The following MCM2 variants were observed in gnomAD, a reference collection of about 807,000 sequenced individuals.
MCM2 encodes minichromosome maintenance complex component 2, also known as DNA replication licensing factor MCM2.
Under a neutral mutation model 86.4 loss-of-function variants are expected in MCM2, and 49 were observed. The ratio of observed to expected loss-of-function variants is 0.57; its 90% CI spans 0.45 to 0.72. The LOEUF (loss-of-function observed/expected upper bound fraction) is 0.72, where lower values mean the gene tolerates loss of function less well. Among genes scored for constraint, MCM2 ranks in the 30% least tolerant of loss-of-function variants. MCM2 has a pLI of 0.00. For synonymous variants in MCM2, 475 were observed against 484.6 expected, an observed-to-expected ratio of 0.98 and a Z score of 0.26; for missense variants, 1,038 against 1,259.9, an observed-to-expected ratio of 0.82 and a Z score of 2.67.
rs777951276 is a variant in MCM2, at chr3:127,622,352, CCTGT to C, written c.*584_*587del. 1 of 152,274 alleles carries C rather than the reference CCTGT, an allele frequency of 6.6e-6. No individual in the cohort carries two copies. The highest frequency in any genetic ancestry group is 2.4e-5 in the African/African-American group (1 of 41,438). The allele number at this position is 152,274 out of a possible 1,614,324, so 9.4% of individuals were successfully genotyped here. A position where few individuals can be genotyped will look rare whatever the true frequency, so the allele number is the denominator to read the frequency against. ...CCACAGTTATCAGCTGCCATTGCTC[CCTGT>C]CTGTTTCCCCACTCTCTTATTTGTG... is the stretch of plus-strand genomic sequence containing the variant. On this transcript the variant is annotated 3_prime_UTR_variant, in exon 16 of 16. Transcript: ENST00000265056.
chr3:127,603,867 C>A (rs190236525), intron 2 of MCM2, among the ~76,000 whole-genome samples: 4 of 152,072 alleles, frequency 2.6e-5, no homozygotes, highest in East Asian at 1.9e-4. Flanking sequence ...TTACCATGTT[C>A]GCCAGGATGG....
At chr3:127,608,792 T>A (rs545743607) in intron 7 of MCM2, 40 bp from the exon 8 acceptor site, 2 of 1,603,482 alleles carry the variant, frequency 1.2e-6, no homozygotes, top group African/African-American at 2.7e-5. Context: ...TGGGCACCCC[T>A]GGGTTAGGCT....
rs945519966 is a variant in MCM2 at position 127,619,182 on chromosome 3, C to T, written c.2169C>T (p.Tyr723=). ...TGCCCCAGGAGGTCCTGAAGAAGTA[C>T]ATCATCTACGCCAAGGAGAGGGTCC... ...EPLPQEVLKK[Y]IIYAKERVHP... The change falls in exon 13 of 16, where the codon TAC becomes TAT. Residue 723 remains tyrosine (Y), a synonymous_variant. Coordinates refer to ENST00000265056, the MANE Select transcript of MCM2 (RefSeq NM_004526.4). The T allele has an allele frequency of 6.8e-6, 11 of 1,614,092 alleles. No homozygotes were observed. The highest frequency in any genetic ancestry group is 4.0e-5 in the African/African-American group (3 of 74,958).
Position 127,619,169 on chromosome 3 carries a change from TC to T in MCM2, c.2158del (p.Leu720Ter). 1 of 1,613,612 alleles carries T rather than the reference TC, an allele frequency of 6.2e-7. No individual in the cohort carries two copies. The highest frequency in any genetic ancestry group is 8.5e-7 in the Non-Finnish European group (1 of 1,179,950). On this transcript the variant is annotated frameshift_variant, in exon 13 of 16. Transcript: ENST00000265056. LOFTEE classifies it high-confidence loss of function. ...GGCGTGGAGCCCCTGCCCCAGGAGG[TC>T]CTGAAGAAGTACATCATCTACGCCA... Reference protein sequence around the residue: ...TYGVEPLPQEVLKKYIIYAKE... With the variant: ...TYGVEPLPQEXLKKYIIYAKE...
At chr3:127,609,055 G>A in intron 8 of MCM2, 32 bp downstream of exon 8, 1 of 1,606,912 alleles carries the variant, frequency 6.2e-7, no homozygotes, top group South Asian at 1.1e-5. Flanking sequence ...GGGCTGTCAG[G>A]ATGCTGTGAG....
rs1048225 is a variant in MCM2, at chr3:127,604,979, G to A, written c.496G>A (p.Glu166Lys). The A allele has an allele frequency of 3.1e-6, 5 of 1,613,932 alleles. No individual in the cohort carries two copies. The highest frequency in any genetic ancestry group is 4.2e-6 in the Non-Finnish European group (5 of 1,179,862). ...CACGGAGGACGGCGAGGAGGACGAG[G>A]AGATGATCGAGAGCATCGAGAACCT... ...RATEDGEEDE[E>K]MIESIENLED... The change falls in exon 4 of 16, where the codon GAG becomes AAG. Residue 166 changes from glutamate (E) to lysine (K), a missense_variant. Around this residue, in one of 4 missense-constraint regions of MCM2, gnomAD observed 300 missense variants for 307.4 expected, o/e 0.98. Transcript: ENST00000265056.
At position 127,606,514 on chromosome 3, in the gene MCM2, T is replaced by C. The variant is rs1259478523; in HGVS notation, c.894-96T>C. 1.8e-5 allele frequency: 24 copies of C among 1,309,898 alleles called. No individual in the cohort carries two copies. The highest frequency in any genetic ancestry group is 2.4e-5 in the Non-Finnish European group (22 of 926,998). The allele number at this position is 1,309,898 out of a possible 1,614,324, so 81.1% of individuals were successfully genotyped here. On this transcript the variant is annotated intron_variant, in intron 5 of 15. Coordinates refer to ENST00000265056, the MANE Select transcript of MCM2 (RefSeq NM_004526.4). The surrounding 1 kb of genome is among the most constrained non-coding windows in gnomAD (Gnocchi z 4.2). ...GGAGGGATCTTCCCGGGCTGGGGGC[T>C]GGGCCCAATTTCCAGGACAGTGTGT...
At position 127,617,237 on chromosome 3, in the gene MCM2, G is replaced by A; in HGVS notation, c.1774-42G>A. ...GACCTCATCGGAGACTTAGTAGTAG[G>A]GGCGTGAACCATGCTAAGGGTGGGC... On this transcript the variant is annotated intron_variant, in intron 10 of 15. Transcript: ENST00000265056. The surrounding 1 kb of genome is among the most constrained non-coding windows in gnomAD (Gnocchi z 4.1). 2 of 1,611,678 alleles carry A rather than the reference G, an allele frequency of 1.2e-6. No homozygotes were observed. Among genetic ancestry groups the A allele is most frequent in the South Asian group, 1.1e-5 (1 of 90,942 alleles).
In MCM2 at chr3:127,605,040, T is replaced by C. The variant is rs749761247; in HGVS notation, c.557T>C (p.Val186Ala). 4.3e-6 allele frequency: 7 copies of C among 1,614,076 alleles called. No individual in the cohort carries two copies. Among genetic ancestry groups the C allele is most frequent in the Non-Finnish European group, 5.9e-6 (7 of 1,179,990 alleles). ...DLKGHSVREW[V>A]SMAGPRLEIH... ...AAAGGCCACTCTGTGCGCGAGTGGG[T>C]GAGCATGGCGGGCCCCCGGCTGGAG... Residue 186 changes from valine (V) to alanine (A), a missense_variant, in exon 4 of 16, where the codon GTG becomes GCG. This residue lies in a region of MCM2 where 300 missense variants were observed against 307.4 expected (regional missense o/e 0.98). Coordinates refer to ENST00000265056, the MANE Select transcript of MCM2 (RefSeq NM_004526.4).
Position 127,621,851 on chromosome 3 carries a change from A to C in MCM2, c.*78A>C. ...TGCCCTCTGTGCTTTATGGACACAA[A>C]ACCAGAGCACTTGATGAACTCGGGG... On this transcript the variant is annotated 3_prime_UTR_variant, in exon 16 of 16. Transcript: ENST00000265056. 2 of 1,056,824 alleles carry C rather than the reference A, an allele frequency of 1.9e-6. No homozygotes were observed. Among genetic ancestry groups the C allele is most frequent in the Non-Finnish European group, 2.9e-6 (2 of 701,178 alleles). The allele number at this position is 1,056,824 out of a possible 1,614,324, so 65.5% of individuals were successfully genotyped here. A position where few individuals can be genotyped will look rare whatever the true frequency, so the allele number is the denominator to read the frequency against.
At chr3:127,601,925 G>A (rs1576411356) in intron 2 of MCM2, among the ~76,000 whole-genome samples, 1 of 152,094 alleles carries the variant, frequency 6.6e-6, no homozygotes, top group African/African-American at 2.4e-5. Flanking sequence ...ACATCTTTTC[G>A]TATGCTTGAT....
intron 8 of MCM2, among the ~76,000 whole-genome samples, chr3:127,610,011 AT>A (rs1370848983): frequency 1.3e-5 from 2 of 150,952 alleles, no homozygotes; most frequent in East Asian, 3.9e-4. Context: ...CACCTGACTA[AT>A]TTTTGTATTT....
At chr3:127,614,970 T>G (rs2074422679) in intron 8 of MCM2, among the ~76,000 whole-genome samples, 1 of 152,232 alleles carries the variant, frequency 6.6e-6, no homozygotes, top group African/African-American at 2.4e-5. Context: ...TTACTTGCTT[T>G]CAGAGGGAGA....
At chr3:127,613,353 C>G (rs144536610) in intron 8 of MCM2, among the ~76,000 whole-genome samples, 109 of 152,268 alleles carry the variant, frequency 7.2e-4, no homozygotes, top group African/African-American at 2.6e-3. Flanking sequence ...GAGTGGTCTG[C>G]CCAGCATCTG....
chr3:127,617,380 G>T lies in MCM2; in HGVS notation c.1875G>T (p.Thr625=), dbSNP rs377688408. The change falls in exon 11 of 16, where the codon ACG becomes ACT. Residue 625 remains threonine (T), a synonymous_variant. Coordinates refer to ENST00000265056, the MANE Select transcript of MCM2 (RefSeq NM_004526.4). The surrounding 1 kb of genome is among the most constrained non-coding windows in gnomAD (Gnocchi z 4.1). ...GIVTSLQARC[T]VIAAANPIGG... ...TCACCTCCCTGCAGGCTCGCTGCAC[G>T]GTCATTGCTGCCGCCAACCCCATAG... 2 of 1,613,802 alleles carry T rather than the reference G, an allele frequency of 1.2e-6. No homozygotes were observed. Among genetic ancestry groups the T allele is most frequent in the Non-Finnish European group, 1.7e-6 (2 of 1,179,958 alleles).
Position 127,618,179 on chromosome 3 carries a change from T to C in MCM2, c.2013+98T>C. On this transcript the variant is annotated intron_variant, in intron 12 of 15. Transcript: ENST00000265056. This position sits in a 1 kb window ranked among gnomAD's most constrained non-coding sequence, Gnocchi z 4.0. ...TGTGCCCAACACAGGGGACAGGTGCTGCAGGGGCCATAGGCTGTTTTCTAG... is the reference window on the plus strand; with the variant it reads ...TGTGCCCAACACAGGGGACAGGTGCCGCAGGGGCCATAGGCTGTTTTCTAG... 1 of 905,290 alleles carries C rather than the reference T, an allele frequency of 1.1e-6. No homozygotes were observed. The highest frequency in any genetic ancestry group is 2.6e-5 in the East Asian group (1 of 38,304). 56.1% of individuals were successfully genotyped at this position (905,290 alleles called of 1,614,324 possible). A position where few individuals can be genotyped will look rare whatever the true frequency, so the allele number is the denominator to read the frequency against.
intron 8 of MCM2, among the ~76,000 whole-genome samples, chr3:127,611,850 C>G (rs1008748949): frequency 1.3e-5 from 2 of 148,264 alleles, no homozygotes; most frequent in Admixed American, 6.6e-5. Flanking sequence ...AGGCGCCCGC[C>G]ACTACGCCCG....
Position 127,617,480 on chromosome 3 carries a change from CG to C in MCM2, c.1900+79del, listed in dbSNP as rs953798241. On this transcript the variant is annotated intron_variant, in intron 11 of 15. Transcript: ENST00000265056. The surrounding 1 kb of genome is among the most constrained non-coding windows in gnomAD (Gnocchi z 4.1). ...CCCGCCTGCTTGAATTGGGAGCCCA[CG>C]GGGTCCCCAGGAGCCGATCTGAGGA... 2.6e-6 allele frequency: 4 copies of C among 1,515,492 alleles called. No homozygotes were observed. The highest frequency in any genetic ancestry group is 3.5e-6 in the Non-Finnish European group (4 of 1,131,170). The allele number at this position is 1,515,492 out of a possible 1,614,324, so 93.9% of individuals were successfully genotyped here. A position where few individuals can be genotyped will look rare whatever the true frequency, so the allele number is the denominator to read the frequency against.
At position 127,618,922 on chromosome 3, in the gene MCM2, AAG is replaced by A. The variant is rs2074453569; in HGVS notation, c.2014-102_2014-101del. 2 of 1,293,054 alleles carry A rather than the reference AAG, an allele frequency of 1.5e-6. No individual in the cohort carries two copies. Among genetic ancestry groups the A allele is most frequent in the African/African-American group, 1.5e-5 (1 of 67,024 alleles). 80.1% of individuals were successfully genotyped at this position (1,293,054 alleles called of 1,614,324 possible). On this transcript the variant is annotated intron_variant, in intron 12 of 15. Coordinates refer to ENST00000265056, the MANE Select transcript of MCM2 (RefSeq NM_004526.4). This position sits in a 1 kb window ranked among gnomAD's most constrained non-coding sequence, Gnocchi z 4.0. ...TGGTCAGTGTAGTCAGTCTTGTTGA[AAG>A]AGTGTCACCCTTGTAGGGCACACTC...
Sources: gnomAD v4.1 joint callset for allele counts (sites outside exome capture counted in the v4.1 genomes callset) on GRCh38, gnomAD v4.1.1 for gene constraint, gnomAD v4.1.1 regional missense constraint, Gnocchi (gnomAD v3.1) non-coding constraint, MANE v1.5 for transcripts, NCBI Gene and HGNC (gene_info 2026-07-23, HGNC 2026-07-21) for gene names.